Variants in PDGFC observed in about 807,000 individuals in gnomAD.
The protein encoded by PDGFC is platelet derived growth factor C, also known as platelet-derived growth factor C.
PDGFC carries 12 observed loss-of-function variants against 35.5 expected under a neutral mutation model. The ratio of observed to expected loss-of-function variants is 0.34; its 90% CI spans 0.22 to 0.55. The LOEUF is 0.55. PDGFC is among the 20% of genes least tolerant of loss of function. The probability of loss-of-function intolerance (pLI) is 0.91; values close to 1 mark genes in which losing one functional copy is unlikely to be tolerated. For missense variants in PDGFC, 322 were observed against 412.4 expected, an observed-to-expected ratio of 0.78 and a Z score of 1.90; for synonymous variants, 159 against 148.8, an observed-to-expected ratio of 1.07 and a Z score of -0.50.
chr4:156,924,941 T>C (rs971349841), intron 1 of PDGFC, among the ~76,000 whole-genome samples: 1 of 152,026 alleles, frequency 6.6e-6, no homozygotes, highest in Non-Finnish European at 1.5e-5. Flanking sequence ...GAAATACAGG[T>C]GCTGGCAGCT....
At chr4:156,839,847 G>A (rs1001285510) in intron 2 of PDGFC, among the ~76,000 whole-genome samples, 1 of 152,162 alleles carries the variant, frequency 6.6e-6, no homozygotes, top group African/African-American at 2.4e-5. Flanking sequence ...TAAGGAACTT[G>A]TTGGGAACTG....
chr4:156,829,657 G>T (rs1728876735), intron 2 of PDGFC, among the ~76,000 whole-genome samples: 1 of 152,012 alleles, frequency 6.6e-6, no homozygotes, highest in Non-Finnish European at 1.5e-5. Flanking sequence ...GGCAGTTTTT[G>T]ACAGTTTCAA....
At chr4:156,927,906 C>G (rs1731452560) in intron 1 of PDGFC, among the ~76,000 whole-genome samples, 1 of 152,118 alleles carries the variant, frequency 6.6e-6, no homozygotes, top group African/African-American at 2.4e-5. Flanking sequence ...TAAAGACATA[C>G]TCAAGACTGG....
intron 3 of PDGFC, among the ~76,000 whole-genome samples, chr4:156,786,274 C>A (rs1731124108): frequency 6.6e-6 from 1 of 151,990 alleles, no homozygotes; most frequent in Admixed American, 6.6e-5. Context: ...AAAAACAGAC[C>A]ATGCACAACA....
chr4:156,806,761 T>C (rs1731780654), intron 3 of PDGFC, among the ~76,000 whole-genome samples: 1 of 152,134 alleles, frequency 6.6e-6, no homozygotes, highest in South Asian at 2.1e-4. Context: ...GCAAAAGTTA[T>C]TATTTCAGCC....
At chr4:156,814,801 T>C (rs146047236) in intron 2 of PDGFC, among the ~76,000 whole-genome samples, 15 of 152,276 alleles carry the variant, frequency 9.9e-5, no homozygotes, top group African/African-American at 2.6e-4. Flanking sequence ...ATTAAAATGT[T>C]AACACTTTAT....
Position 156,772,769 on chromosome 4 carries a change from C to G in PDGFC, c.620G>C (p.Arg207Thr). 3.7e-6 allele frequency: 6 copies of G among 1,613,270 alleles called. No homozygotes were observed. The highest frequency in any genetic ancestry group is 5.1e-6 in the Non-Finnish European group (6 of 1,179,322). ...EDLIRYLEPE[R>T]WQLDLEDLYR... Reference sequence around the variant, plus strand: ...TAGATCTTCTAAGTCCAACTGCCATCTCTCTGGTTCAAGATATCGAATAAG... The same window carrying G: ...TAGATCTTCTAAGTCCAACTGCCATGTCTCTGGTTCAAGATATCGAATAAG... Residue 207 changes from arginine (R) to threonine (T), a missense_variant, in exon 4 of 6, where the codon AGA becomes ACA. Transcript: ENST00000502773.
intron 1 of PDGFC, among the ~76,000 whole-genome samples, chr4:156,907,969 C>A (rs777284428): frequency 2.0e-5 from 3 of 152,134 alleles, no homozygotes; most frequent in Non-Finnish European, 4.4e-5. Context: ...GAGTTAAAGA[C>A]CAGCCTGGCC....
At chr4:156,913,566 G>T (rs979606115) in intron 1 of PDGFC, among the ~76,000 whole-genome samples, 1 of 152,094 alleles carries the variant, frequency 6.6e-6, no homozygotes, top group Non-Finnish European at 1.5e-5. Context: ...CCTTTTAAAA[G>T]CCCCTATTTC....
At chr4:156,944,392 T>C (rs1238779297) in intron 1 of PDGFC, among the ~76,000 whole-genome samples, 1 of 152,168 alleles carries the variant, frequency 6.6e-6, no homozygotes, top group Non-Finnish European at 1.5e-5. Context: ...ATTATTTATA[T>C]GCTTCCAAAT....
At chr4:156,786,789 C>T (rs1473600334) in intron 3 of PDGFC, among the ~76,000 whole-genome samples, 1 of 152,142 alleles carries the variant, frequency 6.6e-6, no homozygotes, top group East Asian at 1.9e-4. Flanking sequence ...TAAAACTAGG[C>T]AATCCTGTGT....
At chr4:156,905,846 A>G (rs1730902954) in intron 1 of PDGFC, among the ~76,000 whole-genome samples, 1 of 152,092 alleles carries the variant, frequency 6.6e-6, no homozygotes, top group Non-Finnish European at 1.5e-5. Context: ...TCTAGATCTG[A>G]AACAATAAAG....
rs1474280041 is a variant in PDGFC at position 156,762,799 on chromosome 4, G to A, written c.*291C>T. The A allele has an allele frequency of 3.7e-5, 10 of 269,544 alleles. No homozygotes were observed. The highest frequency in any genetic ancestry group is 1.3e-4 in the African/African-American group (6 of 46,460). The allele number at this position is 269,544 out of a possible 1,614,324, so 16.7% of individuals were successfully genotyped here. On this transcript the variant is annotated 3_prime_UTR_variant, in exon 6 of 6. Coordinates refer to ENST00000502773, the MANE Select transcript of PDGFC (RefSeq NM_016205.3). ...ATACAGAACCCAGCTAGTGGAATAC[G>A]TACATGGTAACTCTGAAACTAGCTG...
chr4:156,954,232 G>T (rs1290647829), intron 1 of PDGFC, among the ~76,000 whole-genome samples: 1 of 151,876 alleles, frequency 6.6e-6, no homozygotes. Flanking sequence ...TTGTCCACAT[G>T]CCAGAACTAA....
At position 156,772,828 on chromosome 4, in the gene PDGFC, A is replaced by G. The variant is rs1400549415; in HGVS notation, c.561T>C (p.Asn187=). The change falls in exon 4 of 6, where the codon AAT becomes AAC. Residue 187 remains asparagine, a synonymous_variant. Transcript: ENST00000502773. ...AGGTACTAAAGGCAGTTATAGCATT[A>G]TTAAGCAGGTCCAGTGGCAAAGCTG... The part of the protein sequence containing the change: ...PPSALPLDLL[N]NAITAFSTLE... The G allele has an allele frequency of 1.9e-6, 3 of 1,613,360 alleles. No homozygotes were observed. The Admixed American group carries it at 5.0e-5, about 27-fold the overall frequency.
intron 1 of PDGFC, among the ~76,000 whole-genome samples, chr4:156,953,911 T>C (rs1307914088): frequency 6.6e-6 from 1 of 151,952 alleles, no homozygotes; most frequent in Admixed American, 6.6e-5. Context: ...CTATCCTCAC[T>C]AAATGCCATT....
Position 156,874,411 on chromosome 4 carries a change from CCTTTG to C in PDGFC, c.119-24000_119-23996del, listed in dbSNP as rs1164560509. 6.6e-5 allele frequency among the ~76,000 whole-genome samples: 10 copies of C among 152,180 alleles called. No individual in the cohort carries two copies. The East Asian group carries it at 7.7e-4, about 12-fold the overall frequency. On this transcript the variant is annotated intron_variant, in intron 1 of 5. Transcript: ENST00000502773. ...TTTGAGCACTCCAACTTAAGCCTCTCCTTTGAGAGGCTTAAGTATAAAGTGATTTC... is the reference window on the plus strand; with the variant it reads ...TTTGAGCACTCCAACTTAAGCCTCTCAGAGGCTTAAGTATAAAGTGATTTC...
At chr4:156,790,380 A>C (rs919655797) in intron 3 of PDGFC, among the ~76,000 whole-genome samples, 1 of 152,236 alleles carries the variant, frequency 6.6e-6, no homozygotes, top group Non-Finnish European at 1.5e-5. Flanking sequence ...TTCTGAAAAC[A>C]ATATTAGTTA....
intron 2 of PDGFC, among the ~76,000 whole-genome samples, chr4:156,839,740 G>C (rs1025571593): frequency 6.6e-6 from 1 of 152,146 alleles, no homozygotes; most frequent in Admixed American, 6.5e-5. Flanking sequence ...ATTTGGGAAA[G>C]TGTGGAAATT....
Sources: gnomAD v4.1 joint callset for allele counts (sites outside exome capture counted in the v4.1 genomes callset) on GRCh38, gnomAD v4.1.1 for gene constraint, MANE v1.5 for transcripts, NCBI Gene and HGNC (gene_info 2026-07-23, HGNC 2026-07-21) for gene names.